The following PPP2R2C variants were observed in gnomAD, a reference collection of about 807,000 sequenced individuals.
The protein encoded by PPP2R2C is protein phosphatase 2 regulatory subunit Bgamma.
A neutral mutation model predicts 45.3 loss-of-function variants in PPP2R2C; 10 were observed. The ratio of observed to expected loss-of-function variants is 0.22; its 90% CI spans 0.14 to 0.37. PPP2R2C has a LOEUF of 0.37. Ranked by LOEUF, PPP2R2C falls within the 10% of genes least tolerant of loss-of-function variation. PPP2R2C has a pLI of 1.00. For missense variants in PPP2R2C, 308 were observed against 619.7 expected, an observed-to-expected ratio of 0.50 and a Z score of 5.34; for synonymous variants, 257 against 245.4, an observed-to-expected ratio of 1.05 and a Z score of -0.44.
At chr4:6,374,200 G>A (rs1163712433) in intron 4 of PPP2R2C, among the ~76,000 whole-genome samples, 1 of 152,162 alleles carries the variant, frequency 6.6e-6, no homozygotes. Context: ...GAGCATCACT[G>A]GCCCAGCAAA....
At chr4:6,348,986 G>A in intron 5 of PPP2R2C, 2 of 983,494 alleles carry the variant, frequency 2.0e-6, no homozygotes, top group East Asian at 1.1e-4. Flanking sequence ...GGTGTGATTG[G>A]TAAGGCTGGA....
rs373961122 is a variant in PPP2R2C, at chr4:6,348,024, G to A, written c.626-14C>T. The A allele has an allele frequency of 4.7e-5, 76 of 1,612,120 alleles. No homozygotes were observed. The highest frequency in any genetic ancestry group is 8.3e-5 in the Admixed American group (5 of 59,928). On this transcript the variant is annotated splice_polypyrimidine_tract_variant and intron_variant, in intron 5 of 8. Transcript: ENST00000382599. ...TGTCCACGATGTCTGGGGGCAGTGC[G>A]GTCAAGGAAGGGGCAGTGAAGGGCG...
chr4:6,326,024 G>C (rs1209480673), intron 8 of PPP2R2C, among the ~76,000 whole-genome samples: 3 of 152,092 alleles, frequency 2.0e-5, no homozygotes, highest in African/African-American at 7.2e-5. Context: ...CCCTGTGAGC[G>C]GTCAATCACA....
At position 6,347,996 on chromosome 4, in the gene PPP2R2C, T is replaced by C; in HGVS notation, c.640A>G (p.Lys214Glu). The change falls in exon 6 of 9, where the codon AAG (lysine) becomes GAG (glutamate). Residue 214 changes from lysine (K) to glutamate (E), a missense_variant. Transcript: ENST00000382599. Reference protein sequence around the residue: ...TDRSFNIVDIKPANMEDLTEV... With the variant: ...TDRSFNIVDIEPANMEDLTEV... The stretch of plus-strand genomic sequence containing the variant: ...GTAAGGTCCTCCATGTTGGCCGGCT[T>C]GATGTCCACGATGTCTGGGGGCAGT... The C allele has an allele frequency of 6.2e-7, 1 of 1,613,842 alleles. No individual in the cohort carries two copies. Among genetic ancestry groups the C allele is most frequent in the Non-Finnish European group, 8.5e-7 (1 of 1,179,904 alleles).
rs189118741 is a variant in PPP2R2C, at chr4:6,348,133, G to C, written c.626-123C>G. ...ACCCTCGCGTCTGAGCTGCCTCTCT[G>C]TTCCTGAGACCCTCAAAATGCGTCC... is the stretch of plus-strand genomic sequence containing the variant. On this transcript the variant is annotated intron_variant, in intron 5 of 8. Coordinates refer to ENST00000382599, the MANE Select transcript of PPP2R2C (RefSeq NM_020416.4). The C allele has an allele frequency of 3.5e-6, 4 of 1,138,712 alleles. No individual in the cohort carries two copies. In the East Asian group the frequency reaches 9.7e-5, roughly 28 times the overall value. The allele number at this position is 1,138,712 out of a possible 1,614,324, so 70.5% of individuals were successfully genotyped here.
rs142614820 is a variant in PPP2R2C, at chr4:6,349,442, T to TGCG, written c.626-1435_626-1433dup. 1,896 of 982,660 alleles carry TGCG rather than the reference T, an allele frequency of 1.9e-3. 33 individuals are homozygous for TGCG. The African/African-American group carries it at 0.029, about 15-fold the overall frequency. 60.9% of individuals were successfully genotyped at this position (982,660 alleles called of 1,614,324 possible). A position where few individuals can be genotyped will look rare whatever the true frequency, so the allele number is the denominator to read the frequency against. ...GCAAAGCCCTTCACACACTGCCTGA[T>TGCG]GCGTTGCAGAGCTCAATGAATGTCA... On this transcript the variant is annotated intron_variant, in intron 5 of 8. Coordinates refer to ENST00000382599, the MANE Select transcript of PPP2R2C (RefSeq NM_020416.4).
Position 6,471,622 on chromosome 4 carries a change from G to T in PPP2R2C, c.70+538C>A, listed in dbSNP as rs1721888286. 6.5e-6 allele frequency: 1 copy of T among 153,086 alleles called. No individual in the cohort carries two copies. The highest frequency in any genetic ancestry group is 1.5e-5 in the Non-Finnish European group (1 of 68,620). The allele number at this position is 153,086 out of a possible 1,614,324, so 9.5% of individuals were successfully genotyped here. On this transcript the variant is annotated intron_variant, in intron 1 of 8. Coordinates refer to ENST00000382599, the MANE Select transcript of PPP2R2C (RefSeq NM_020416.4). The surrounding 1 kb of genome is among the most constrained non-coding windows in gnomAD (Gnocchi z 5.6). ...CTTCTCCCTCCCACTCAGGGACCCT[G>T]CCTCTGGAGGACAGGGAGGGGCCCG...
At chr4:6,376,041 G>A in intron 3 of PPP2R2C, 110 bp from the exon 4 acceptor site, 5 of 896,384 alleles carry the variant, frequency 5.6e-6, no homozygotes, top group South Asian at 1.6e-5. Context: ...GAAGGAGGGG[G>A]TTCTGCCAAC....
chr4:6,435,326 G>T (rs1719838041), intron 1 of PPP2R2C, among the ~76,000 whole-genome samples: 1 of 151,934 alleles, frequency 6.6e-6, no homozygotes, highest in Admixed American at 6.6e-5. Flanking sequence ...TATCTACTTT[G>T]TGGAGCTCAT....
chr4:6,398,671 C>T (rs911869911), intron 1 of PPP2R2C, among the ~76,000 whole-genome samples: 3 of 152,074 alleles, frequency 2.0e-5, no homozygotes, highest in Non-Finnish European at 4.4e-5. Flanking sequence ...GATAGAGCCC[C>T]GTGGGAAACA....
chr4:6,521,015 T>C (rs1724001269), intron 2 of PPP2R2C, among the ~76,000 whole-genome samples: 1 of 152,242 alleles, frequency 6.6e-6, no homozygotes, highest in African/African-American at 2.4e-5. Flanking sequence ...AGAATGCAGA[T>C]GAGGAGCAAA....
At chr4:6,442,935 AT>A (rs1193635104) in intron 1 of PPP2R2C, among the ~76,000 whole-genome samples, 1 of 152,184 alleles carries the variant, frequency 6.6e-6, no homozygotes, top group Non-Finnish European at 1.5e-5. Context: ...GGGGGCACCC[AT>A]TCCCCCCATC....
chr4:6,370,427 C>A (rs1279515488), intron 5 of PPP2R2C, among the ~76,000 whole-genome samples: 1 of 152,206 alleles, frequency 6.6e-6, no homozygotes, highest in Non-Finnish European at 1.5e-5. Context: ...TGCTAGGAGA[C>A]CGCCCCTCCC....
intron 2 of PPP2R2C, among the ~76,000 whole-genome samples, chr4:6,504,926 T>C (rs181589174): frequency 2.0e-5 from 3 of 152,158 alleles, no homozygotes; most frequent in African/African-American, 7.2e-5. Flanking sequence ...AACACATACA[T>C]TTCCAGATCC....
chr4:6,382,930 GCA>G, intron 1 of PPP2R2C: 2 of 1,088,296 alleles, frequency 1.8e-6, no homozygotes, highest in South Asian at 2.6e-5. Flanking sequence ...TCAGAGAAAA[GCA>G]CAGAGTGTTC....
At chr4:6,365,097 C>T (rs1714166386) in intron 5 of PPP2R2C, among the ~76,000 whole-genome samples, 1 of 152,188 alleles carries the variant, frequency 6.6e-6, no homozygotes, top group East Asian at 1.9e-4. Context: ...GGGCAGCAGA[C>T]AACCCATACA....
chr4:6,396,562 G>A (rs1717045558), intron 1 of PPP2R2C, among the ~76,000 whole-genome samples: 1 of 152,234 alleles, frequency 6.6e-6, no homozygotes, highest in East Asian at 1.9e-4. Context: ...GGAGGACAAT[G>A]GCAATGGCCA....
intron 2 of PPP2R2C, among the ~76,000 whole-genome samples, chr4:6,489,544 C>T (rs555007020): frequency 5.9e-5 from 9 of 152,336 alleles, no homozygotes; most frequent in African/African-American, 2.2e-4. Flanking sequence ...AGAGTGGGAG[C>T]ATCCTTGCAA....
At chr4:6,341,897 A>C (rs1733470494) in intron 6 of PPP2R2C, among the ~76,000 whole-genome samples, 1 of 152,080 alleles carries the variant, frequency 6.6e-6, no homozygotes, top group Non-Finnish European at 1.5e-5. Context: ...CGAGTTCCAG[A>C]ATGTACAACA....
Sources: allele counts gnomAD v4.1 joint callset (sites outside exome capture counted in the v4.1 genomes callset), GRCh38; gene constraint gnomAD v4.1.1; non-coding constraint Gnocchi (gnomAD v3.1); transcripts MANE v1.5; gene names NCBI Gene and HGNC (gene_info 2026-07-23, HGNC 2026-07-21).